The following TMPRSS6 variants were observed in gnomAD, a reference collection of about 807,000 sequenced individuals.
The protein encoded by TMPRSS6 is transmembrane protease serine 6.
Under a neutral mutation model 101.5 loss-of-function variants are expected in TMPRSS6, and 67 were observed. The observed-to-expected ratio is 0.66, with a 90% CI of 0.54 to 0.81. TMPRSS6 has a LOEUF of 0.81. TMPRSS6 is among the 30% of genes least tolerant of loss of function. The probability of loss-of-function intolerance (pLI) is 0.00; values close to 1 mark genes in which losing one functional copy is unlikely to be tolerated. For synonymous variants in TMPRSS6, 453 were observed against 464.9 expected (o/e 0.97, Z 0.33); for missense variants, 1,034 against 1,088.7 (o/e 0.95, Z 0.71).
rs1001946164 is a variant in TMPRSS6 at position 37,067,533 on chromosome 22, TC to T, written c.2114-572del. The stretch of plus-strand genomic sequence containing the variant: ...ATGAGTGTCTTCCTCCAGCTTCTTG[TC>T]CCCCACCTCTGTCTGCTGAGGCACC... On this transcript the variant is annotated intron_variant, in intron 16 of 17. Coordinates refer to ENST00000676104, the MANE Select transcript of TMPRSS6 (RefSeq NM_001374504.1). 8.8e-4 allele frequency among the ~76,000 whole-genome samples: 134 copies of T among 152,172 alleles called. 2 individuals carry two copies. The highest frequency in any genetic ancestry group is 4.9e-4 in the Non-Finnish European group (33 of 67,992).
chr22:37,084,930 C>A, intron 8 of TMPRSS6, 91 bp from the exon 9 acceptor site: 2 of 917,088 alleles, frequency 2.2e-6, no homozygotes, highest in Non-Finnish European at 3.5e-6. Context: ...CCCCTACCAC[C>A]TCTGCCAGCA....
chr22:37,082,326 C>T (rs1403376582), intron 10 of TMPRSS6, among the ~76,000 whole-genome samples: 1 of 152,204 alleles, frequency 6.6e-6, no homozygotes, highest in African/African-American at 2.4e-5. Context: ...TGGGGCCCCG[C>T]CTCTGGCAAA....
Position 37,066,207 on chromosome 22 carries a change from G to A in TMPRSS6, c.2282C>T (p.Ala761Val). The A allele has an allele frequency of 6.2e-7, 1 of 1,612,820 alleles. No individual in the cohort carries two copies. The highest frequency in any genetic ancestry group is 8.5e-7 in the Non-Finnish European group (1 of 1,179,834). Residue 761 changes from alanine (A) to valine (V), a missense_variant, in exon 18 of 18, where the codon GCA (alanine) becomes GTA (valine). Physicochemically the swap from Ala to Val is moderately conservative, Grantham distance 64. Transcript: ENST00000676104. ...CGCCAGGAACCAGCGGCCACTGAGT[G>A]CCTTGCACACCAGCGGACCACCTGA... ...GDSGGPLVCK[A>V]LSGRWFLAGL...
At chr22:37,107,460 C>A (rs1290274004) in intron 1 of TMPRSS6, among the ~76,000 whole-genome samples, 3 of 152,028 alleles carry the variant, frequency 2.0e-5, no homozygotes, top group East Asian at 3.9e-4. Context: ...CCCTACCTTC[C>A]AAATGCCCCC....
At chr22:37,078,293 C>T (rs945489752) in intron 10 of TMPRSS6, among the ~76,000 whole-genome samples, 1 of 152,152 alleles carries the variant, frequency 6.6e-6, no homozygotes, top group Non-Finnish European at 1.5e-5. Context: ...TGTAGTGTCA[C>T]CCAAGCCTTG....
At position 37,086,297 on chromosome 22, in the gene TMPRSS6, G is replaced by A. The variant is rs150457626; in HGVS notation, c.959C>T (p.Pro320Leu). 15 of 1,614,012 alleles carry A rather than the reference G, an allele frequency of 9.3e-6. No homozygotes were observed. In the African/African-American group the frequency reaches 1.2e-4, roughly 13 times the overall value. Reference protein sequence around the residue: ...YYDPFVLSVQPVVFQACEVNL... With the variant: ...YYDPFVLSVQLVVFQACEVNL... ...TGACCTCTCACCCTGGAAGACCACC[G>A]GCTGCACGGAGAGCACGAAGGGGTC... The change falls in exon 8 of 18, where the codon CCG (proline) becomes CTG (leucine). Residue 320 changes from proline to leucine, a missense_variant. By Grantham distance (98) the Pro-to-Leu change is moderately conservative. Coordinates refer to ENST00000676104, the MANE Select transcript of TMPRSS6 (RefSeq NM_001374504.1).
rs773982069 is a variant in TMPRSS6 at position 37,075,280 on chromosome 22, C to T, written c.1197G>A (p.Arg399=). 1 of 1,613,418 alleles carries T rather than the reference C, an allele frequency of 6.2e-7. No homozygotes were observed. Among genetic ancestry groups the T allele is most frequent in the Admixed American group, 1.7e-5 (1 of 60,028 alleles). Residue 399 remains arginine, a splice_region_variant and synonymous_variant, in exon 11 of 18, where the codon AGG becomes AGA. Transcript: ENST00000676104. ...GCTGCAGGATGCGCAAGCCACACAG[C>T]CTGGGGGGAGTCAGAGACGACTCAG... is the stretch of plus-strand genomic sequence containing the variant. The part of the protein sequence containing the change: ...TQGQWTIQNR[R]LCGLRILQPY...
intron 10 of TMPRSS6, chr22:37,084,000 C>A: frequency 1.8e-6 from 1 of 555,926 alleles, no homozygotes. Context: ...GTTACAGCAC[C>A]CAAGAAGATG....
chr22:37,093,895 C>T (rs1165663860), intron 6 of TMPRSS6, among the ~76,000 whole-genome samples: 1 of 151,910 alleles, frequency 6.6e-6, no homozygotes, highest in African/African-American at 2.4e-5. Flanking sequence ...TGGTGGCAGG[C>T]ACCTGTAGTC....
intron 6 of TMPRSS6, among the ~76,000 whole-genome samples, chr22:37,091,328 C>T (rs1187126596): frequency 6.6e-6 from 1 of 152,204 alleles, no homozygotes; most frequent in Non-Finnish European, 1.5e-5. Flanking sequence ...TCTGTTTTCT[C>T]TGCTTTAAAT....
intron 2 of TMPRSS6, among the ~76,000 whole-genome samples, chr22:37,100,414 A>AG (rs56095466): frequency 0.34 from 51,253 of 151,924 alleles, 8,794 homozygotes; most frequent in South Asian, 0.36. Flanking sequence ...AGAGATGTCC[A>AG]GGGGGACAGA....
chr22:37,085,426 AC>A (rs1157211847), intron 8 of TMPRSS6, among the ~76,000 whole-genome samples: 1 of 152,100 alleles, frequency 6.6e-6, no homozygotes, highest in Non-Finnish European at 1.5e-5. Context: ...CCAGCTGGGG[AC>A]CCAGGTCTAT....
Position 37,103,628 on chromosome 22 carries a change from C to A in TMPRSS6, c.-1-210G>T, listed in dbSNP as rs1218836307. ...TCAGCTCGCACCAGAGGGCAGGCACCAGAGCTGGACTGGGTCTGGCTCAAG... is the reference window on the plus strand; with the variant it reads ...TCAGCTCGCACCAGAGGGCAGGCACAAGAGCTGGACTGGGTCTGGCTCAAG... On this transcript the variant is annotated intron_variant, in intron 1 of 17. Coordinates refer to ENST00000676104, the MANE Select transcript of TMPRSS6 (RefSeq NM_001374504.1). This position sits in a 1 kb window ranked among gnomAD's most constrained non-coding sequence, Gnocchi z 4.4. The A allele has an allele frequency of 6.3e-7, 1 of 1,588,820 alleles. No homozygotes were observed. The highest frequency in any genetic ancestry group is 8.6e-7 in the Non-Finnish European group (1 of 1,162,536).
At chr22:37,078,973 A>AAGAGAAAG (rs762878165) in intron 10 of TMPRSS6, among the ~76,000 whole-genome samples, 11 of 106,590 alleles carry the variant, frequency 1.0e-4, no homozygotes, top group African/African-American at 4.0e-4. Flanking sequence ...GAAAGAAAGA[A>AAGAGAAAG]AAAGAAAGAA....
intron 16 of TMPRSS6, among the ~76,000 whole-genome samples, chr22:37,067,438 G>A (rs577186119): frequency 6.6e-6 from 1 of 152,116 alleles, no homozygotes; most frequent in African/African-American, 2.4e-5. Flanking sequence ...TTGCACTCCA[G>A]CCTGGGCAAC....
rs375746107 is a variant in TMPRSS6 at position 37,086,356 on chromosome 22, C to A, written c.900G>T (p.Ala300=). The A allele has an allele frequency of 1.2e-6, 2 of 1,613,046 alleles. No individual in the cohort carries two copies. Among genetic ancestry groups the A allele is most frequent in the Admixed American group, 3.3e-5 (2 of 59,910 alleles). The change falls in exon 8 of 18, where the codon GCG becomes GCT. Residue 300 remains alanine, a synonymous_variant. Coordinates refer to ENST00000676104, the MANE Select transcript of TMPRSS6 (RefSeq NM_001374504.1). ...TGTGCAGGCCCTTCTTCCAGACGAC[C>A]GCCATGATGGCCCCCGACGCCAGAA... The part of the protein sequence containing the change: ...VEVLASGAIM[A]VVWKKGLHSY...
intron 12 of TMPRSS6, 38 bp downstream of exon 12, chr22:37,074,572 G>A (rs1459216508): frequency 6.3e-7 from 1 of 1,583,642 alleles, no homozygotes. Context: ...GAGAAGGGAT[G>A]GGCAGGGAGA....
intron 12 of TMPRSS6, among the ~76,000 whole-genome samples, chr22:37,074,082 A>G (rs1927396007): frequency 6.6e-6 from 1 of 152,166 alleles, no homozygotes; most frequent in Admixed American, 6.5e-5. Flanking sequence ...AAAGTTTCAC[A>G]GCAACCCTGT....
At chr22:37,068,450 CTG>C (rs1019998508) in intron 16 of TMPRSS6, among the ~76,000 whole-genome samples, 4 of 152,262 alleles carry the variant, frequency 2.6e-5, no homozygotes, top group Non-Finnish European at 5.9e-5. Flanking sequence ...CCAGCTGGGT[CTG>C]TGTCCCCAAA....
Sources: allele counts gnomAD v4.1 joint callset (sites outside exome capture counted in the v4.1 genomes callset), GRCh38; gene constraint gnomAD v4.1.1; non-coding constraint Gnocchi (gnomAD v3.1); transcripts MANE v1.5; gene names NCBI Gene and HGNC (gene_info 2026-07-23, HGNC 2026-07-21).